NRG1: variants seen among roughly 807,000 people sequenced by gnomAD.
The protein encoded by NRG1 is pro-neuregulin-1, membrane-bound isoform.
A neutral mutation model predicts 63.8 loss-of-function variants in NRG1; 18 were observed. That is an observed-to-expected ratio of 0.28 (90% CI 0.19 to 0.42). The LOEUF (loss-of-function observed/expected upper bound fraction) is 0.42, where lower values mean the gene tolerates loss of function less well. NRG1 is among the 10% of genes least tolerant of loss of function. The pLI is 1.00. For synonymous variants in NRG1, 302 were observed against 301.3 expected (o/e 1.00, Z -0.02); for missense variants, 762 against 814.7 (o/e 0.94, Z 0.79).
At chr8:32,597,889 A>G (rs1161785537) in intron 2 of NRG1, among the ~76,000 whole-genome samples, 1 of 152,194 alleles carries the variant, frequency 6.6e-6, no homozygotes, top group Non-Finnish European at 1.5e-5. Flanking sequence ...AATTGAAAAG[A>G]TAAGTATGAT....
intron 1 of NRG1, among the ~76,000 whole-genome samples, chr8:32,371,296 A>G (rs958936410): frequency 6.6e-6 from 1 of 152,222 alleles, no homozygotes; most frequent in Non-Finnish European, 1.5e-5. Flanking sequence ...GCCAAGTTCT[A>G]TCAACATTTG....
chr8:31,780,821 T>A (rs1311416233), intron 1 of NRG1, among the ~76,000 whole-genome samples: 1 of 152,140 alleles, frequency 6.6e-6, no homozygotes, highest in African/African-American at 2.4e-5. Flanking sequence ...GTTCTAGTGT[T>A]TTCTCTGCCA....
intron 1 of NRG1, among the ~76,000 whole-genome samples, chr8:32,560,411 C>G (rs1836164386): frequency 6.6e-6 from 1 of 152,154 alleles, no homozygotes; most frequent in Non-Finnish European, 1.5e-5. Context: ...TCATATCTGT[C>G]TTTTATGTTG....
chr8:32,323,289 G>T (rs879685398), intron 1 of NRG1, among the ~76,000 whole-genome samples: 2 of 152,088 alleles, frequency 1.3e-5, no homozygotes, highest in Admixed American at 1.3e-4. Flanking sequence ...CCTATTCTTA[G>T]TTATGTGCAT....
intron 1 of NRG1, among the ~76,000 whole-genome samples, chr8:31,898,324 C>T (rs1831770219): frequency 1.3e-5 from 2 of 152,066 alleles, no homozygotes; most frequent in East Asian, 1.9e-4. Flanking sequence ...TTTTAATAAC[C>T]ACTATGTGCC....
intron 1 of NRG1, among the ~76,000 whole-genome samples, chr8:32,444,062 CTCTT>C (rs1819925046): frequency 6.7e-6 from 1 of 148,756 alleles, no homozygotes; most frequent in South Asian, 2.1e-4. Context: ...CTTTCTCTCT[CTCTT>C]TCTCTTCCCT....
intron 1 of NRG1, among the ~76,000 whole-genome samples, chr8:32,357,624 TC>T (rs1806619937): frequency 6.6e-6 from 1 of 152,224 alleles, no homozygotes; most frequent in Admixed American, 6.5e-5. Context: ...CTTCTCCTCC[TC>T]CTTTCTCTAA....
chr8:32,196,744 G>T, intron 1 of NRG1, among the ~76,000 whole-genome samples: 1 of 151,990 alleles, frequency 6.6e-6, no homozygotes. Flanking sequence ...AGCCAGGGTT[G>T]TTAAGTAGTA....
intron 1 of NRG1, among the ~76,000 whole-genome samples, chr8:32,583,113 T>C (rs1342163562): frequency 6.6e-6 from 1 of 152,186 alleles, no homozygotes; most frequent in East Asian, 1.9e-4. Context: ...ATTTGTCATG[T>C]AATTTCGTGC....
chr8:32,213,843 C>T lies in NRG1; in HGVS notation c.38-381985C>T, dbSNP rs1385143841. Among the ~76,000 whole-genome samples, 5 of 152,158 alleles carry T rather than the reference C, an allele frequency of 3.3e-5. No individual in the cohort carries two copies. The South Asian group carries it at 6.2e-4, about 19-fold the overall frequency. ...TATTAGTGTGTGCATTGGGCTCACA[C>T]GTGGGAGCACTCAGACGTGAGTAAC... On this transcript the variant is annotated intron_variant, in intron 1 of 10. Coordinates refer to the NRG1 transcript ENST00000519301.
chr8:32,692,565 A>G (rs1344660981), intron 5 of NRG1, among the ~76,000 whole-genome samples: 2 of 152,246 alleles, frequency 1.3e-5, no homozygotes, highest in Non-Finnish European at 2.9e-5. Context: ...AAAGTGGGTC[A>G]TGGAACAAAA....
chr8:32,672,307 G>A (rs1805900978), intron 5 of NRG1, among the ~76,000 whole-genome samples: 1 of 152,182 alleles, frequency 6.6e-6, no homozygotes, highest in Admixed American at 6.5e-5. Flanking sequence ...GCCTCCCAAA[G>A]TGCTGGGATT....
chr8:32,125,275 A>G lies in NRG1; in HGVS notation c.38-470553A>G, dbSNP rs527870301. On this transcript the variant is annotated intron_variant, in intron 1 of 10. Coordinates refer to the NRG1 transcript ENST00000519301. Reference sequence around the variant, plus strand: ...GTTATAGCAACATGAAGCCAGACAGAAAAATTTACAGTTTTCATCACTTGG... The same window carrying G: ...GTTATAGCAACATGAAGCCAGACAGGAAAATTTACAGTTTTCATCACTTGG... 8.5e-4 allele frequency among the ~76,000 whole-genome samples: 130 copies of G among 152,058 alleles called. 1 individual carries two copies. The highest frequency in any genetic ancestry group is 2.9e-3 in the African/African-American group (120 of 41,526).
intron 1 of NRG1, among the ~76,000 whole-genome samples, chr8:32,229,064 A>C (rs1325655912): frequency 1.3e-5 from 2 of 152,160 alleles, no homozygotes; most frequent in Admixed American, 1.3e-4. Flanking sequence ...AGCCTTCCTA[A>C]AGAGTGCATT....
chr8:32,724,573 A>G (rs10090366), intron 5 of NRG1, among the ~76,000 whole-genome samples: 8,485 of 152,116 alleles, frequency 0.056, 806 homozygotes, highest in African/African-American at 0.19. Flanking sequence ...TAAGACTGTC[A>G]GGGCCCTGTG....
chr8:31,737,807 G>C (rs143110780), intron 1 of NRG1, among the ~76,000 whole-genome samples: 2 of 151,990 alleles, frequency 1.3e-5, no homozygotes, highest in African/African-American at 4.8e-5. Context: ...ACAAGAAAGC[G>C]TTCCACAGTT....
At chr8:31,730,019 G>A (rs899349569) in intron 1 of NRG1, among the ~76,000 whole-genome samples, 5 of 152,114 alleles carry the variant, frequency 3.3e-5, no homozygotes, top group Non-Finnish European at 7.4e-5. Context: ...GAAGCTGTGT[G>A]TCCTGTAATG....
chr8:31,678,468 A>G (rs1807960854), intron 1 of NRG1, among the ~76,000 whole-genome samples: 1 of 152,006 alleles, frequency 6.6e-6, no homozygotes, highest in Non-Finnish European at 1.5e-5. Flanking sequence ...TCTTATTCTC[A>G]TTTGGCATAG....
chr8:32,194,590 A>C (rs1375361062), intron 1 of NRG1, among the ~76,000 whole-genome samples: 1 of 152,138 alleles, frequency 6.6e-6, no homozygotes, highest in Non-Finnish European at 1.5e-5. Context: ...TGGGAGGACA[A>C]GAATGAGGAT....
Sources: gnomAD v4.1 joint callset for allele counts (sites outside exome capture counted in the v4.1 genomes callset) on GRCh38, gnomAD v4.1.1 for gene constraint, MANE v1.5 for transcripts, NCBI Gene and HGNC (gene_info 2026-07-23, HGNC 2026-07-21) for gene names.